LUZP2: variants seen among roughly 807,000 people sequenced by gnomAD.
The protein encoded by LUZP2 is leucine zipper protein 2.
LUZP2 carries 52 observed loss-of-function variants against 51.6 expected under a neutral mutation model. The observed-to-expected ratio is 1.01, with a 90% confidence interval of 0.81 to 1.27. LUZP2 has a LOEUF of 1.27. Among genes scored for constraint, LUZP2 ranks in the 50% most tolerant of loss-of-function variants. The pLI is 0.00. For missense variants in LUZP2, 436 were observed against 395.4 expected (o/e 1.10, Z -0.87); for synonymous variants, 154 against 137.3 (o/e 1.12, Z -0.85).
intron 7 of LUZP2, among the ~76,000 whole-genome samples, chr11:24,973,494 T>A: frequency 6.6e-6 from 1 of 151,666 alleles, no homozygotes; most frequent in Non-Finnish European, 1.5e-5. Flanking sequence ...TTGGGGTTTG[T>A]TTGCTCTTGG....
intron 7 of LUZP2, among the ~76,000 whole-genome samples, chr11:24,917,431 T>A (rs1443643585): frequency 2.0e-5 from 3 of 152,132 alleles, no homozygotes; most frequent in African/African-American, 4.8e-5. Flanking sequence ...CTGAATGGTA[T>A]TGCCTAGGTT....
intron 1 of LUZP2, chr11:24,701,629 A>C (rs1857425401): frequency 6.6e-6 from 1 of 152,580 alleles, no homozygotes; most frequent in African/African-American, 2.4e-5. Context: ...TACAGTCCAG[A>C]AGAAGATTTT....
intron 10 of LUZP2, among the ~76,000 whole-genome samples, chr11:25,073,910 C>A (rs1419185717): frequency 6.6e-6 from 1 of 152,100 alleles, no homozygotes; most frequent in Non-Finnish European, 1.5e-5. Flanking sequence ...TAATTTTACC[C>A]TTAAATTAAT....
At chr11:24,900,167 A>G (rs573736832) in intron 5 of LUZP2, among the ~76,000 whole-genome samples, 14 of 152,310 alleles carry the variant, frequency 9.2e-5, no homozygotes, top group African/African-American at 2.9e-4. Context: ...TTATCTTCTA[A>G]GAGTATTACA....
intron 5 of LUZP2, among the ~76,000 whole-genome samples, chr11:24,855,845 A>G (rs1309345380): frequency 6.6e-6 from 1 of 152,216 alleles, no homozygotes; most frequent in Non-Finnish European, 1.5e-5. Context: ...AGTCAATTAG[A>G]GCATACACAG....
At chr11:24,571,188 T>C (rs1375462516) in intron 1 of LUZP2, among the ~76,000 whole-genome samples, 1 of 149,938 alleles carries the variant, frequency 6.7e-6, no homozygotes, top group East Asian at 1.9e-4. Context: ...TTGCTGGTGA[T>C]GCAGAGGAGA....
At chr11:24,858,530 T>C (rs1349497387) in intron 5 of LUZP2, among the ~76,000 whole-genome samples, 1 of 152,180 alleles carries the variant, frequency 6.6e-6, no homozygotes, top group African/African-American at 2.4e-5. Flanking sequence ...GTTACATTTC[T>C]CTGTATTTCT....
chr11:24,498,017 G>A (rs143510172), intron 1 of LUZP2, among the ~76,000 whole-genome samples: 3 of 152,300 alleles, frequency 2.0e-5, no homozygotes, highest in Admixed American at 6.5e-5. Context: ...TTACAGAGGA[G>A]CTATTTTTGG....
chr11:25,078,753 C>G lies in LUZP2; in HGVS notation c.*95C>G, dbSNP rs1859393014. On this transcript the variant is annotated 3_prime_UTR_variant, in exon 12 of 12. Coordinates refer to ENST00000336930, the MANE Select transcript of LUZP2 (RefSeq NM_001009909.4). Reference sequence around the variant, plus strand: ...ATGGAAATACTGTTTCTAAAGCATGCAACTTTTTCACAATTTTATGTAACT... The same window carrying G: ...ATGGAAATACTGTTTCTAAAGCATGGAACTTTTTCACAATTTTATGTAACT... 8.7e-6 allele frequency: 8 copies of G among 921,104 alleles called. No individual in the cohort carries two copies. In the South Asian group the frequency reaches 9.4e-5, roughly 11 times the overall value. 57.1% of individuals were successfully genotyped at this position (921,104 alleles called of 1,614,324 possible).
At chr11:24,550,875 G>T (rs1851704750) in intron 1 of LUZP2, among the ~76,000 whole-genome samples, 1 of 151,952 alleles carries the variant, frequency 6.6e-6, no homozygotes, top group Non-Finnish European at 1.5e-5. Context: ...AGAGTTCAAG[G>T]CTGCAGTGAG....
At chr11:25,031,672 T>C (rs1857691405) in intron 9 of LUZP2, among the ~76,000 whole-genome samples, 1 of 152,142 alleles carries the variant, frequency 6.6e-6, no homozygotes, top group Admixed American at 6.6e-5. Context: ...TTTCCCAGCT[T>C]TTAAATTTTT....
intron 10 of LUZP2, among the ~76,000 whole-genome samples, chr11:25,058,990 G>T (rs7945262): frequency 0.92 from 139,887 of 152,220 alleles, 64,984 homozygotes; most frequent in East Asian, 0.99. Flanking sequence ...GATTTACTTT[G>T]TTTCTCTTTT....
rs563731720 is a variant in LUZP2 at position 24,877,482 on chromosome 11, T to A, written c.397-28509T>A. Among the ~76,000 whole-genome samples the A allele has an allele frequency of 2.6e-5, 4 of 152,242 alleles. 1 individual carries two copies. In the South Asian group the frequency reaches 8.3e-4, roughly 32 times the overall value. ...TTTTTATGGGTACATAGTAAGTATATATATTTGTGGGGTACATGAGATGTT... is the reference window on the plus strand; with the variant it reads ...TTTTTATGGGTACATAGTAAGTATAAATATTTGTGGGGTACATGAGATGTT... On this transcript the variant is annotated intron_variant, in intron 5 of 11. Transcript: ENST00000336930.
intron 1 of LUZP2, among the ~76,000 whole-genome samples, chr11:24,583,729 A>C (rs1243723405): frequency 6.9e-6 from 1 of 145,050 alleles, no homozygotes; most frequent in Non-Finnish European, 1.5e-5. Context: ...TTTGAGATGG[A>C]GTCTCGCTCT....
chr11:24,560,030 G>A (rs933851619), intron 1 of LUZP2, among the ~76,000 whole-genome samples: 3 of 152,072 alleles, frequency 2.0e-5, no homozygotes, highest in Non-Finnish European at 2.9e-5. Context: ...TGTAGATCAT[G>A]GGTTGATGGG....
chr11:24,978,340 A>G (rs560530822), intron 8 of LUZP2, among the ~76,000 whole-genome samples: 114 of 151,974 alleles, frequency 7.5e-4, no homozygotes, highest in Non-Finnish European at 1.4e-3. Context: ...TCAGAGGCAT[A>G]TATAATTCTA....
chr11:24,554,678 G>A (rs1223523691), intron 1 of LUZP2, among the ~76,000 whole-genome samples: 1 of 146,678 alleles, frequency 6.8e-6, no homozygotes, highest in African/African-American at 2.5e-5. Context: ...GTATAAGGCA[G>A]GAGACTTATC....
At chr11:24,590,573 T>G (rs1467301205) in intron 1 of LUZP2, among the ~76,000 whole-genome samples, 1 of 152,170 alleles carries the variant, frequency 6.6e-6, no homozygotes, top group Non-Finnish European at 1.5e-5. Flanking sequence ...ACTAATAATT[T>G]TTTACTAATC....
chr11:24,681,802 T>C (rs1856745115), intron 1 of LUZP2, among the ~76,000 whole-genome samples: 2 of 152,200 alleles, frequency 1.3e-5, no homozygotes, highest in Admixed American at 1.3e-4. Context: ...CTATACACTA[T>C]TTACATTAGT....
Sources: gnomAD v4.1 joint callset for allele counts (sites outside exome capture counted in the v4.1 genomes callset) on GRCh38, gnomAD v4.1.1 for gene constraint, MANE v1.5 for transcripts, NCBI Gene and HGNC (gene_info 2026-07-23, HGNC 2026-07-21) for gene names.